Variants in PRORP observed in about 807,000 individuals in gnomAD.
The protein encoded by PRORP is mitochondrial ribonuclease P catalytic subunit.
A neutral mutation model predicts 59.4 loss-of-function variants in PRORP; 51 were observed. The observed-to-expected ratio is 0.86, with a 90% CI of 0.69 to 1.08. The LOEUF is 1.08. PRORP is among the 50% of genes least tolerant of loss of function. PRORP has a pLI of 0.00. For missense variants in PRORP, 646 were observed against 690.3 expected (o/e 0.94, Z 0.72); for synonymous variants, 231 against 245.6 (o/e 0.94, Z 0.55).
At chr14:35,124,275 T>A in intron 2 of PRORP, 44 bp downstream of exon 2, 1 of 1,366,888 alleles carries the variant, frequency 7.3e-7, no homozygotes, top group Non-Finnish European at 9.8e-7. Context: ...TCTTTAATTT[T>A]TTTTTTTTTT....
chr14:35,182,623 C>T (rs774962232), intron 5 of PRORP, among the ~76,000 whole-genome samples: 2 of 152,064 alleles, frequency 1.3e-5, no homozygotes, highest in Non-Finnish European at 2.9e-5. Flanking sequence ...CCAGCCTGGG[C>T]GACAGAGTGA....
intron 5 of PRORP, among the ~76,000 whole-genome samples, chr14:35,255,689 A>G (rs1230972219): frequency 6.6e-6 from 1 of 152,216 alleles, no homozygotes; most frequent in Non-Finnish European, 1.5e-5. Context: ...TCTAGATTCA[A>G]CTACCAGTTT....
chr14:35,189,114 G>A (rs908022414), intron 5 of PRORP, among the ~76,000 whole-genome samples: 2 of 152,090 alleles, frequency 1.3e-5, no homozygotes, highest in African/African-American at 4.8e-5. Flanking sequence ...AGAATATAGT[G>A]AGATTAAAGG....
At chr14:35,238,410 G>C (rs2050275664) in intron 5 of PRORP, among the ~76,000 whole-genome samples, 1 of 152,174 alleles carries the variant, frequency 6.6e-6, no homozygotes, top group African/African-American at 2.4e-5. Flanking sequence ...TTTGGAGGAT[G>C]AGTATGTATA....
chr14:35,242,879 G>A (rs984386012), intron 5 of PRORP, among the ~76,000 whole-genome samples: 2 of 152,188 alleles, frequency 1.3e-5, no homozygotes, highest in Non-Finnish European at 1.5e-5. Context: ...AAAGATTGGA[G>A]CAAATAGCCC....
At chr14:35,156,869 G>C (rs192091476) in intron 4 of PRORP, among the ~76,000 whole-genome samples, 73 of 152,148 alleles carry the variant, frequency 4.8e-4, no homozygotes, top group Admixed American at 1.8e-3. Flanking sequence ...TTAGGTGAAA[G>C]TTCCTATCAT....
At position 35,133,746 on chromosome 14, in the gene PRORP, T is replaced by C. The variant is rs190405621; in HGVS notation, c.1167+6135T>C. ...AATGCTGTGGTAAGAGGTACTGCCT[T>C]CATGGCCTTGAACAAGATCAGGGAG... On this transcript the variant is annotated intron_variant, in intron 4 of 7. Coordinates refer to ENST00000534898, the MANE Select transcript of PRORP (RefSeq NM_014672.4). Among the ~76,000 whole-genome samples, 33 of 152,330 alleles carry C rather than the reference T, an allele frequency of 2.2e-4. No homozygotes were observed. In the East Asian group the frequency reaches 6.2e-3, roughly 29 times the overall value.
chr14:35,184,883 A>G (rs1436673317), intron 5 of PRORP, among the ~76,000 whole-genome samples: 1 of 152,116 alleles, frequency 6.6e-6, no homozygotes, highest in African/African-American at 2.4e-5. Flanking sequence ...ATAGTACTCC[A>G]TGTTGTATAT....
intron 5 of PRORP, among the ~76,000 whole-genome samples, chr14:35,186,850 C>T (rs1377569245): frequency 6.6e-6 from 1 of 152,116 alleles, no homozygotes; most frequent in Non-Finnish European, 1.5e-5. Flanking sequence ...GCAGTCCTCC[C>T]AAAGTGCTGG....
In PRORP at chr14:35,262,973, C is replaced by G. The variant is rs1269941216; in HGVS notation, c.1276-3754C>G. On this transcript the variant is annotated intron_variant, in intron 5 of 7. Transcript: ENST00000534898. ...CCACGACAGTTAAAAACAAGGATAT[C>G]AGGAAATTTTTGGATGGTATCTATG... 2.9e-5 allele frequency: 47 copies of G among 1,598,650 alleles called. No individual in the cohort carries two copies. The East Asian group carries it at 1.0e-3, about 36-fold the overall frequency.
In PRORP at chr14:35,233,125, C is replaced by G. The variant is rs770855504; in HGVS notation, c.1276-33602C>G. Among the ~76,000 whole-genome samples the G allele has an allele frequency of 1.2e-3, 161 of 137,246 alleles. 6 individuals are homozygous for G. Among genetic ancestry groups the G allele is most frequent in the East Asian group, 7.7e-4 (4 of 5,162 alleles). 90.0% of individuals were successfully genotyped at this position (137,246 alleles called of 152,430 possible). A position where few individuals can be genotyped will look rare whatever the true frequency, so the allele number is the denominator to read the frequency against. On this transcript the variant is annotated intron_variant, in intron 5 of 7. Coordinates refer to ENST00000534898, the MANE Select transcript of PRORP (RefSeq NM_014672.4). The stretch of plus-strand genomic sequence containing the variant: ...TTTTCTTTTCATTCGTCAACCCATT[C>G]GGCAAATACTTATTGATCATCATAA...
chr14:35,233,772 C>T (rs2050139905), intron 5 of PRORP, among the ~76,000 whole-genome samples: 1 of 152,070 alleles, frequency 6.6e-6, no homozygotes, highest in Non-Finnish European at 1.5e-5. Context: ...ATGATCACAG[C>T]ATGTGTTTTT....
chr14:35,241,742 C>T (rs2050374881), intron 5 of PRORP, among the ~76,000 whole-genome samples: 1 of 152,298 alleles, frequency 6.6e-6, no homozygotes, highest in African/African-American at 2.4e-5. Flanking sequence ...CTTTTCTTCT[C>T]TCCCACCCTG....
intron 5 of PRORP, among the ~76,000 whole-genome samples, chr14:35,212,046 T>A (rs2049461047): frequency 6.6e-6 from 1 of 152,224 alleles, no homozygotes; most frequent in Non-Finnish European, 1.5e-5. Context: ...CAGGAGTACA[T>A]TTTGATTCTG....
intron 5 of PRORP, among the ~76,000 whole-genome samples, chr14:35,221,049 A>G (rs916614451): frequency 1.3e-5 from 2 of 152,210 alleles, no homozygotes; most frequent in Non-Finnish European, 2.9e-5. Flanking sequence ...CAGCCAGTAC[A>G]AATGCCCACA....
At chr14:35,196,335 T>C (rs1257077301) in intron 5 of PRORP, among the ~76,000 whole-genome samples, 3 of 151,998 alleles carry the variant, frequency 2.0e-5, no homozygotes, top group Non-Finnish European at 2.9e-5. Flanking sequence ...GAAAAATAAA[T>C]TTTTAAAAAT....
chr14:35,151,639 T>TACACACACACACACACACACACACAC (rs55940352), intron 4 of PRORP, among the ~76,000 whole-genome samples: 1 of 141,726 alleles, frequency 7.1e-6, no homozygotes, highest in African/African-American at 2.6e-5. Context: ...CACACACACA[T>TACACACACACACACACACACACACAC]ACACACACAC....
chr14:35,251,546 A>G (rs1271051263), intron 5 of PRORP, among the ~76,000 whole-genome samples: 2 of 151,952 alleles, frequency 1.3e-5, no homozygotes, highest in East Asian at 3.9e-4. Flanking sequence ...AATGTTGTTT[A>G]TATTTTTGGG....
At chr14:35,242,969 A>G (rs932393486) in intron 5 of PRORP, among the ~76,000 whole-genome samples, 1 of 152,192 alleles carries the variant, frequency 6.6e-6, no homozygotes, top group Admixed American at 6.5e-5. Context: ...CAAAGACATC[A>G]TGGTATATCT....
Sources: gnomAD v4.1 joint callset for allele counts (sites outside exome capture counted in the v4.1 genomes callset) on GRCh38, gnomAD v4.1.1 for gene constraint, MANE v1.5 for transcripts, NCBI Gene and HGNC (gene_info 2026-07-23, HGNC 2026-07-21) for gene names.